HTT: variants seen among roughly 807,000 people sequenced by gnomAD.
HTT encodes the protein huntington disease protein.
Under a neutral mutation model 362.3 loss-of-function variants are expected in HTT, and 104 were observed. That is an observed-to-expected ratio of 0.29 (90% CI 0.24 to 0.34). HTT has a LOEUF of 0.34. Ranked by LOEUF, HTT falls within the 10% of genes least tolerant of loss-of-function variation. HTT has a pLI of 1.00. For missense variants in HTT, 3,301 were observed against 3,928.6 expected, an observed-to-expected ratio of 0.84 and a Z score of 4.27; for synonymous variants, 1,577 against 1,548.7, an observed-to-expected ratio of 1.02 and a Z score of -0.43.
intron 40 of HTT, 135 bp downstream of exon 40, chr4:3,189,228 G>A: frequency 1.2e-6 from 1 of 862,786 alleles, no homozygotes; most frequent in Non-Finnish European, 1.8e-6. Flanking sequence ...ATTTGTTGCT[G>A]TAAGAGTACA....
intron 1 of HTT, among the ~76,000 whole-genome samples, chr4:3,079,479 A>G (rs899679922): frequency 1.3e-5 from 2 of 152,106 alleles, no homozygotes; most frequent in Admixed American, 1.3e-4. Context: ...GTAAGGGTGT[A>G]TGAAGTAGTG....
At chr4:3,090,099 T>C (rs1304410973) in intron 2 of HTT, among the ~76,000 whole-genome samples, 4 of 152,238 alleles carry the variant, frequency 2.6e-5, no homozygotes, top group African/African-American at 9.6e-5. Context: ...TCTCCTAAAA[T>C]ATAATTAAAC....
intron 29 of HTT, among the ~76,000 whole-genome samples, chr4:3,166,794 A>G (rs1000469144): frequency 6.6e-6 from 1 of 152,240 alleles, no homozygotes; most frequent in Non-Finnish European, 1.5e-5. Flanking sequence ...GACTGTGGGA[A>G]AAGTGCAGTA....
chr4:3,111,619 G>A (rs1412332284), intron 6 of HTT, among the ~76,000 whole-genome samples: 1 of 152,200 alleles, frequency 6.6e-6, no homozygotes, highest in Non-Finnish European at 1.5e-5. Context: ...GGGACTGGAA[G>A]GGAGGGGACT....
At chr4:3,233,962 G>A (rs1721394013) in intron 61 of HTT, among the ~76,000 whole-genome samples, 1 of 152,248 alleles carries the variant, frequency 6.6e-6, no homozygotes, top group Non-Finnish European at 1.5e-5. Context: ...GCCTCTCTGA[G>A]TCATAGGCTT....
intron 61 of HTT, among the ~76,000 whole-genome samples, chr4:3,234,241 G>T (rs1321644004): frequency 6.6e-6 from 1 of 152,252 alleles, no homozygotes; most frequent in Non-Finnish European, 1.5e-5. Context: ...CAGGATTTGG[G>T]ACATGCTGGA....
At position 3,152,575 on chromosome 4, in the gene HTT, AC is replaced by A. The variant is rs1716952096; in HGVS notation, c.3499-1716del. On this transcript the variant is annotated intron_variant, in intron 26 of 66. Coordinates refer to ENST00000355072, the MANE Select transcript of HTT (RefSeq NM_001388492.1). ...TGCCTCCAGCTGCAGGCAGCCACTA[AC>A]CTGCCTTCTGTCTCTGTGACTCTAC... Among the ~76,000 whole-genome samples the A allele has an allele frequency of 5.3e-5, 8 of 152,068 alleles. No homozygotes were observed. In the South Asian group the frequency reaches 1.7e-3, roughly 32 times the overall value.
At chr4:3,086,100 C>T (rs148195450) in intron 1 of HTT, among the ~76,000 whole-genome samples, 18 of 152,316 alleles carry the variant, frequency 1.2e-4, no homozygotes, top group Admixed American at 2.0e-4. Context: ...TGTGTTTCTT[C>T]TAATTGAATT....
chr4:3,143,872 G>A (rs755690413), intron 23 of HTT, among the ~76,000 whole-genome samples: 1 of 151,978 alleles, frequency 6.6e-6, no homozygotes, highest in Non-Finnish European at 1.5e-5. Flanking sequence ...CAAAGTGCTG[G>A]GATTACAGGT....
chr4:3,225,567 G>A, intron 56 of HTT, 94 bp from the exon 57 acceptor site: 1 of 1,114,962 alleles, frequency 9.0e-7, no homozygotes, highest in South Asian at 1.4e-5. Flanking sequence ...CTCACGGCTG[G>A]GTGCCTGTCT....
chr4:3,158,078 G>T (rs1450366675), intron 28 of HTT, among the ~76,000 whole-genome samples: 2 of 117,746 alleles, frequency 1.7e-5, no homozygotes, highest in Non-Finnish European at 3.5e-5. Context: ...TGCAGTCTCA[G>T]GGCTCAAGTG....
chr4:3,186,927 C>T (rs1430362997), intron 38 of HTT, among the ~76,000 whole-genome samples: 2 of 147,278 alleles, frequency 1.4e-5, no homozygotes, highest in African/African-American at 5.1e-5. Flanking sequence ...GTCATGATCT[C>T]GGCTCACTGC....
chr4:3,116,406 T>C, intron 8 of HTT, 143 bp downstream of exon 8: 1 of 659,902 alleles, frequency 1.5e-6, no homozygotes, highest in Non-Finnish European at 2.6e-6. Context: ...CCCTAGGTGC[T>C]GACCTCTAGC....
In HTT at chr4:3,228,679, A is replaced by C; in HGVS notation, c.7913A>C (p.Glu2638Ala). Residue 2638 changes from glutamate (E) to alanine (A), a missense_variant, in exon 58 of 67, where the codon GAG becomes GCG. By Grantham distance (107) the Glu-to-Ala change is moderately radical. Around this residue, in one of 4 missense-constraint regions of HTT, gnomAD observed 753 missense variants for 1,021.3 expected, o/e 0.74. Coordinates refer to ENST00000355072, the MANE Select transcript of HTT (RefSeq NM_001388492.1). This position sits in a 1 kb window ranked among gnomAD's most constrained non-coding sequence, Gnocchi z 4.3. ...ITPLREEEWD[E>A]EEEEEADAPA... ...CCCCTGAGGGAGGAGGAATGGGACGAGGAAGAGGAGGAGGAGGCCGACGCC... is the reference window on the plus strand; with the variant it reads ...CCCCTGAGGGAGGAGGAATGGGACGCGGAAGAGGAGGAGGAGGCCGACGCC... 6.2e-7 allele frequency: 1 copy of C among 1,610,002 alleles called. No homozygotes were observed. The highest frequency in any genetic ancestry group is 8.5e-7 in the Non-Finnish European group (1 of 1,177,698).
intron 33 of HTT, among the ~76,000 whole-genome samples, chr4:3,175,729 A>G (rs1718207088): frequency 6.6e-6 from 1 of 152,192 alleles, no homozygotes; most frequent in African/African-American, 2.4e-5. Context: ...ATTTTCCTCA[A>G]GATTCGTCCC....
intron 2 of HTT, among the ~76,000 whole-genome samples, chr4:3,094,381 C>T (rs773610133): frequency 4.6e-5 from 7 of 152,158 alleles, no homozygotes; most frequent in Admixed American, 3.3e-4. Context: ...CTTTTCTATT[C>T]GACAAAACTG....
chr4:3,084,360 G>T (rs1713085859), intron 1 of HTT, among the ~76,000 whole-genome samples: 1 of 151,934 alleles, frequency 6.6e-6, no homozygotes, highest in Non-Finnish European at 1.5e-5. Context: ...CAGAGGTAAT[G>T]TTCATCCAAA....
intron 31 of HTT, 113 bp downstream of exon 31, chr4:3,173,244 G>T (rs3025836): frequency 0.023 from 17,744 of 782,276 alleles, 281 homozygotes; most frequent in Middle Eastern, 0.061. Flanking sequence ...CTAATAGTCT[G>T]CTGTATTCAG....
chr4:3,096,979 T>C (rs1365776683), intron 2 of HTT, among the ~76,000 whole-genome samples: 1 of 151,808 alleles, frequency 6.6e-6, no homozygotes, highest in African/African-American at 2.4e-5. Context: ...ATTAGCCAGG[T>C]GTGGTGGCAT....
Sources: allele counts gnomAD v4.1 joint callset (sites outside exome capture counted in the v4.1 genomes callset), GRCh38; gene constraint gnomAD v4.1.1; regional missense constraint gnomAD v4.1.1; non-coding constraint Gnocchi (gnomAD v3.1); transcripts MANE v1.5; gene names NCBI Gene and HGNC (gene_info 2026-07-23, HGNC 2026-07-21).